Variants in ZNF423 observed in about 807,000 individuals in gnomAD.
ZNF423 encodes Ebf-associated zinc finger protein.
Under a neutral mutation model 95.8 loss-of-function variants are expected in ZNF423, and 12 were observed. The ratio of observed to expected loss-of-function variants is 0.13; its 90% CI spans 0.08 to 0.20. ZNF423 has a LOEUF of 0.20. ZNF423 is among the 10% of genes least tolerant of loss of function. The pLI, the probability that ZNF423 is intolerant of heterozygous loss-of-function variation, is 1.00. For synonymous variants in ZNF423, 749 were observed against 711.9 expected, an observed-to-expected ratio of 1.05 and a Z score of -0.83; for missense variants, 1,316 against 1,737.1, an observed-to-expected ratio of 0.76 and a Z score of 4.31.
intron 3 of ZNF423, among the ~76,000 whole-genome samples, chr16:49,652,634 C>T (rs745448095): frequency 6.6e-6 from 1 of 152,206 alleles, no homozygotes; most frequent in East Asian, 1.9e-4. Context: ...GAAGCAACAC[C>T]GCCAAGGGCC....
At chr16:49,715,469 C>T (rs1292673139) in intron 3 of ZNF423, among the ~76,000 whole-genome samples, 1 of 152,184 alleles carries the variant, frequency 6.6e-6, no homozygotes, top group Non-Finnish European at 1.5e-5. Context: ...AGGCCGGGCA[C>T]GGCAGCTGGC....
At chr16:49,569,389 G>C (rs989057516) in intron 5 of ZNF423, among the ~76,000 whole-genome samples, 1 of 152,232 alleles carries the variant, frequency 6.6e-6, no homozygotes, top group Non-Finnish European at 1.5e-5. Context: ...CAGAGCAGAT[G>C]CCCAGTTAGG....
chr16:49,604,430 C>G (rs536124587), intron 5 of ZNF423, among the ~76,000 whole-genome samples: 1 of 152,184 alleles, frequency 6.6e-6, no homozygotes, highest in East Asian at 1.9e-4. Flanking sequence ...GTCACCCAAC[C>G]CCATCTAGTT....
chr16:49,636,746 T>C lies in ZNF423; in HGVS notation c.2430A>G (p.Thr810=), dbSNP rs777022783. 26 of 1,613,902 alleles carry C rather than the reference T, an allele frequency of 1.6e-5. No homozygotes were observed. The East Asian group carries it at 5.1e-4, about 32-fold the overall frequency. The part of the protein sequence containing the change: ...TEVELQCHIT[T]HSKKYNCKFC... ...ACTTACAGTTATACTTCTTGCTGTG[T>C]GTGGTGATGTGGCACTGCAGCTCCA... The change falls in exon 4 of 8, where the codon ACA becomes ACG. Residue 810 remains threonine (T), a synonymous_variant. Transcript: ENST00000563137. This position sits in a 1 kb window ranked among gnomAD's most constrained non-coding sequence, Gnocchi z 8.6.
intron 3 of ZNF423, among the ~76,000 whole-genome samples, chr16:49,687,522 T>G (rs1427446435): frequency 2.6e-5 from 4 of 152,182 alleles, no homozygotes; most frequent in African/African-American, 9.7e-5. Flanking sequence ...AACACTCTCC[T>G]GCCCACCTCC....
chr16:49,626,198 G>A lies in ZNF423; in HGVS notation c.3573C>T (p.Ile1191=). 1 of 1,614,084 alleles carries A rather than the reference G, an allele frequency of 6.2e-7. No individual in the cohort carries two copies. The highest frequency in any genetic ancestry group is 8.5e-7 in the Non-Finnish European group (1 of 1,179,968). The stretch of plus-strand genomic sequence containing the variant: ...TCATGTGGTTGGCAACGTGGATTTG[G>A]ATCTCTCTCTCGTTCTCGAAGGTCA... ...CQMTFENERE[I]QIHVANHMIE... The change falls in exon 5 of 8, where the codon ATC becomes ATT. Residue 1191 remains isoleucine, a synonymous_variant. Coordinates refer to ENST00000563137, the MANE Select transcript of ZNF423 (RefSeq NM_001379286.1).
At chr16:49,820,091 T>C (rs906064791) in intron 1 of ZNF423, among the ~76,000 whole-genome samples, 4 of 151,878 alleles carry the variant, frequency 2.6e-5, no homozygotes, top group African/African-American at 4.8e-5. Context: ...GATGGGTGGA[T>C]GGATGAATGG....
At chr16:49,792,346 A>G (rs1476392049) in intron 1 of ZNF423, among the ~76,000 whole-genome samples, 1 of 152,234 alleles carries the variant, frequency 6.6e-6, no homozygotes. Context: ...ATAATGGGAA[A>G]GAGAACAGGG....
In ZNF423 at chr16:49,844,391, G is replaced by A. The variant is rs59369441; in HGVS notation, c.40+11344C>T. Among the ~76,000 whole-genome samples, 537 of 152,162 alleles carry A rather than the reference G, an allele frequency of 3.5e-3. 18 individuals carry two copies. In the East Asian group the frequency reaches 0.08, roughly 23 times the overall value. ...ACACAATCCATGACACAAAGCCCTC[G>A]ATAAACAGCAGCTGCAATCTCACAG... On this transcript the variant is annotated intron_variant, in intron 1 of 7. Coordinates refer to ENST00000563137, the MANE Select transcript of ZNF423 (RefSeq NM_001379286.1).
chr16:49,843,657 C>T (rs2035214046), intron 1 of ZNF423, among the ~76,000 whole-genome samples: 1 of 152,166 alleles, frequency 6.6e-6, no homozygotes, highest in African/African-American at 2.4e-5. Flanking sequence ...TCCTCCAACC[C>T]CCTCCCCTCC....
intron 3 of ZNF423, among the ~76,000 whole-genome samples, chr16:49,725,207 A>C (rs1403017935): frequency 3.3e-5 from 5 of 152,084 alleles, no homozygotes; most frequent in Non-Finnish European, 5.9e-5. Context: ...ACATAGCAAG[A>C]CCTCATCCAT....
At chr16:49,503,376 A>G (rs1333825242) in intron 7 of ZNF423, among the ~76,000 whole-genome samples, 1 of 152,118 alleles carries the variant, frequency 6.6e-6, no homozygotes, top group Admixed American at 6.5e-5. Flanking sequence ...CCACACCCGG[A>G]ACACATCCGG....
At chr16:49,665,532 A>G (rs2030495772) in intron 3 of ZNF423, among the ~76,000 whole-genome samples, 1 of 152,168 alleles carries the variant, frequency 6.6e-6, no homozygotes. Flanking sequence ...GAAGGAAGCA[A>G]GGGGCAGAAA....
Position 49,789,518 on chromosome 16 carries a change from C to A in ZNF423, c.69G>T (p.Ser23=), listed in dbSNP as rs375314927. The change falls in exon 2 of 8, where the codon TCG becomes TCT. Residue 23 remains serine, a synonymous_variant. Transcript: ENST00000563137. The part of the protein sequence containing the change: ...KVEEGEASDF[S]LAWDSSVTAA... ...CTGTCACGGAGGAATCCCAGGCCAG[C>A]GAGAAGTCTGAGGCCTCCCCCTCTT... 1 of 1,612,126 alleles carries A rather than the reference C, an allele frequency of 6.2e-7. No homozygotes were observed. The highest frequency in any genetic ancestry group is 8.5e-7 in the Non-Finnish European group (1 of 1,179,424).
Position 49,638,312 on chromosome 16 carries a change from C to T in ZNF423, c.864G>A (p.Lys288=), listed in dbSNP as rs201849640. The T allele has an allele frequency of 4.3e-6, 7 of 1,613,994 alleles. No individual in the cohort carries two copies. Among genetic ancestry groups the T allele is most frequent in the Non-Finnish European group, 5.9e-6 (7 of 1,180,058 alleles). ...GCTGCGGGTGGCGGGTGAGCACGTG[C>T]TTCTCCAGCTCCTCCGTCTGGCTGA... is the stretch of plus-strand genomic sequence containing the variant. ...DTFSQTEELE[K]HVLTRHPQLS... is the part of the protein sequence containing the mutation. Residue 288 remains lysine (K), a synonymous_variant, in exon 4 of 8, where the codon AAG becomes AAA. Coordinates refer to ENST00000563137, the MANE Select transcript of ZNF423 (RefSeq NM_001379286.1). The surrounding 1 kb of genome is among the most constrained non-coding windows in gnomAD (Gnocchi z 5.6).
chr16:49,743,648 A>G (rs1244729862), intron 2 of ZNF423, among the ~76,000 whole-genome samples: 1 of 151,840 alleles, frequency 6.6e-6, no homozygotes, highest in African/African-American at 2.4e-5. Flanking sequence ...CCCGGGACAC[A>G]GGGGGCTCAA....
At chr16:49,716,606 C>CT (rs2032714512) in intron 3 of ZNF423, among the ~76,000 whole-genome samples, 1 of 152,244 alleles carries the variant, frequency 6.6e-6, no homozygotes. Context: ...TTTAAAAACA[C>CT]TGCCAAAACA....
chr16:49,721,068 C>G (rs771573863), intron 3 of ZNF423, among the ~76,000 whole-genome samples: 1 of 152,200 alleles, frequency 6.6e-6, no homozygotes, highest in Admixed American at 6.5e-5. Flanking sequence ...GATGTACACA[C>G]GGTGATGGGG....
chr16:49,750,877 A>G (rs1251864515), intron 2 of ZNF423, among the ~76,000 whole-genome samples: 2 of 152,212 alleles, frequency 1.3e-5, no homozygotes, highest in Non-Finnish European at 2.9e-5. Context: ...CCAGACGGTG[A>G]TGGTGACAGT....
Sources: allele counts gnomAD v4.1 joint callset (sites outside exome capture counted in the v4.1 genomes callset), GRCh38; gene constraint gnomAD v4.1.1; non-coding constraint Gnocchi (gnomAD v3.1); transcripts MANE v1.5; gene names NCBI Gene and HGNC (gene_info 2026-07-23, HGNC 2026-07-21).